Variants in REPS2 observed in about 807,000 individuals in gnomAD.
REPS2 encodes RALBP1 associated Eps domain containing 2.
A neutral mutation model predicts 53.6 loss-of-function variants in REPS2; 23 were observed. The ratio of observed to expected loss-of-function variants is 0.43; its 90% CI spans 0.31 to 0.61. The LOEUF is 0.61. Ranked by LOEUF, REPS2 falls within the 20% of genes least tolerant of loss-of-function variation. The pLI is 0.11. For missense variants in REPS2, 446 were observed against 534.9 expected (o/e 0.83, Z 1.64); for synonymous variants, 238 against 218.6 (o/e 1.09, Z -0.78).
At chrX:17,177,877 G>A in the REPS2 span, among the ~76,000 whole-genome samples, 7 of 111,234 alleles carry the variant, frequency 6.3e-5, no homozygotes, top group Non-Finnish European at 9.4e-5. Flanking sequence ...CCTGGATCTC[G>A]GCCAAGAGTG....
chrX:17,186,033 A>T, the REPS2 span, among the ~76,000 whole-genome samples: 1 of 112,719 alleles, frequency 8.9e-6, no homozygotes, highest in African/African-American at 3.2e-5. Context: ...GAAGTTACAT[A>T]GGATTTTCTC....
chrX:17,092,661 A>G (rs1455990331), intron 13 of REPS2, among the ~76,000 whole-genome samples: 1 of 108,666 alleles, frequency 9.2e-6, no homozygotes, highest in Non-Finnish European at 1.9e-5. Flanking sequence ...TGTGGGAACA[A>G]CATTCTTCTC....
chrX:17,067,366 A>G (rs2062238682), intron 9 of REPS2, among the ~76,000 whole-genome samples: 1 of 112,102 alleles, frequency 8.9e-6, no homozygotes, highest in Non-Finnish European at 1.9e-5. Context: ...GATTACTGCA[A>G]TCAAGCTAGT....
chrX:17,103,739 C>G lies in REPS2; in HGVS notation c.1538C>G (p.Pro513Arg). 1 of 1,210,081 alleles carries G rather than the reference C, an allele frequency of 8.3e-7. No homozygotes were observed. The highest frequency in any genetic ancestry group is 2.2e-5 in the Admixed American group (1 of 45,887). ...SVPATKSGLL[P>R]PPPALPPRPC... ...TCAGCTACCAAGTCAGGATTGTTAC[C>G]CCCACCACCTGCGCTCCCTCCAAGA... The change falls in exon 14 of 18, where the codon CCC becomes CGC. Residue 513 changes from proline (P) to arginine (R), a missense_variant. Coordinates refer to ENST00000357277, the MANE Select transcript of REPS2 (RefSeq NM_004726.3).
the REPS2 span, among the ~76,000 whole-genome samples, chrX:17,191,803 C>T: frequency 4.4e-5 from 5 of 112,439 alleles, no homozygotes; most frequent in East Asian, 2.8e-4. Flanking sequence ...ATTCCATTTA[C>T]GTGACACTGT....
the REPS2 span, among the ~76,000 whole-genome samples, chrX:17,195,695 T>C: frequency 0.015 from 1,639 of 112,265 alleles, 33 homozygotes; most frequent in African/African-American, 0.048. Flanking sequence ...ATGATGAGAA[T>C]TTTGTCTTCT....
At chrX:17,147,369 G>T (rs879137972) in intron 17 of REPS2, 44 bp from the exon 18 acceptor site, 2 of 1,027,906 alleles carry the variant, frequency 1.9e-6, no homozygotes, top group South Asian at 2.0e-5. Context: ...TTCAAGAAAT[G>T]ACCCCTTTGC....
At chrX:17,016,660 T>TG (rs2061498055) in intron 2 of REPS2, among the ~76,000 whole-genome samples, 1 of 111,604 alleles carries the variant, frequency 9.0e-6, no homozygotes. Flanking sequence ...CCACCCATCT[T>TG]GGTCTCCCAA....
At chrX:17,094,799 C>T (rs1381394728) in intron 13 of REPS2, among the ~76,000 whole-genome samples, 1 of 111,616 alleles carries the variant, frequency 9.0e-6, no homozygotes, top group Non-Finnish European at 1.9e-5. Flanking sequence ...ATCTGTCACT[C>T]TCTACCCCAT....
the REPS2 span, among the ~76,000 whole-genome samples, chrX:17,162,942 G>T: frequency 8.6e-4 from 97 of 112,150 alleles, no homozygotes; most frequent in Non-Finnish European, 1.6e-3. Context: ...TGTCCAGTTT[G>T]TAATGACAAA....
Position 16,978,806 on chromosome X carries a change from G to A in REPS2, c.274-27415G>A, listed in dbSNP as rs112705350. ...CAGATGTTCCTTGGACAAGAGAAAA[G>A]TAATAGAGCTGGATCTTTTCATGAT... is the stretch of plus-strand genomic sequence containing the variant. On this transcript the variant is annotated intron_variant, in intron 1 of 17. Transcript: ENST00000357277. 5.4e-3 allele frequency among the ~76,000 whole-genome samples: 608 copies of A among 112,217 alleles called. 5 individuals are homozygous for A. Among genetic ancestry groups the A allele is most frequent in the African/African-American group, 0.019 (585 of 30,982 alleles).
In REPS2 at chrX:17,116,191, C is replaced by G. The variant is rs746434817; in HGVS notation, c.1578+12412C>G. Among the ~76,000 whole-genome samples, 40 of 110,511 alleles carry G rather than the reference C, an allele frequency of 3.6e-4. No individual in the cohort carries two copies. The South Asian group carries it at 0.016, about 43-fold the overall frequency. On this transcript the variant is annotated intron_variant, in intron 14 of 17. Coordinates refer to ENST00000357277, the MANE Select transcript of REPS2 (RefSeq NM_004726.3). Reference sequence around the variant, plus strand: ...TTTCTGTCAACACATTTAAAAAAAACTCTAGTAATGTGTCTTTCATCTTTT... The same window carrying G: ...TTTCTGTCAACACATTTAAAAAAAAGTCTAGTAATGTGTCTTTCATCTTTT...
At chrX:17,072,175 A>G (rs1000085012) in intron 11 of REPS2, among the ~76,000 whole-genome samples, 4 of 112,340 alleles carry the variant, frequency 3.6e-5, no homozygotes, top group Non-Finnish European at 5.6e-5. Flanking sequence ...GTCCTAGAAG[A>G]AACTAAATTT....
At chrX:17,054,633 G>A (rs894252394) in intron 7 of REPS2, among the ~76,000 whole-genome samples, 175 bp from the exon 8 acceptor site, 3 of 111,782 alleles carry the variant, frequency 2.7e-5, no homozygotes, top group African/African-American at 6.5e-5. Flanking sequence ...CCCATCAATC[G>A]GCATTTTTCT....
intron 1 of REPS2, among the ~76,000 whole-genome samples, chrX:16,997,151 T>C (rs968945979): frequency 8.9e-6 from 1 of 112,358 alleles, no homozygotes; most frequent in Non-Finnish European, 1.9e-5. Flanking sequence ...AATTCTGTGA[T>C]ATGCAGAGCC....
At chrX:17,018,024 G>T (rs980046665) in intron 2 of REPS2, among the ~76,000 whole-genome samples, 1 of 112,150 alleles carries the variant, frequency 8.9e-6, no homozygotes, top group Non-Finnish European at 1.9e-5. Context: ...ATTTTTAATT[G>T]TGATAAAATA....
chrX:17,176,492 T>C, the REPS2 span, among the ~76,000 whole-genome samples: 1 of 112,029 alleles, frequency 8.9e-6, no homozygotes, highest in South Asian at 3.7e-4. Flanking sequence ...CTCAGCAGTA[T>C]GCAGAAGAGA....
chrX:16,955,161 A>G (rs1461217523), intron 1 of REPS2, among the ~76,000 whole-genome samples: 2 of 110,626 alleles, frequency 1.8e-5, no homozygotes, highest in Admixed American at 9.7e-5. Flanking sequence ...GGGTTTTTCA[A>G]ACTTTCTGTT....
At chrX:17,142,387 A>C (rs1000974929) in intron 17 of REPS2, among the ~76,000 whole-genome samples, 2 of 111,682 alleles carry the variant, frequency 1.8e-5, no homozygotes, top group Non-Finnish European at 3.8e-5. Context: ...TTTGCCAAGC[A>C]CAGTTAAGAA....
Sources: allele counts gnomAD v4.1 joint callset (sites outside exome capture counted in the v4.1 genomes callset), GRCh38; gene constraint gnomAD v4.1.1; transcripts MANE v1.5; gene names NCBI Gene and HGNC (gene_info 2026-07-23, HGNC 2026-07-21).